LRBA: variants seen among roughly 807,000 people sequenced by gnomAD.
LRBA encodes lipopolysaccharide-responsive and beige-like anchor protein.
LRBA carries 176 observed loss-of-function variants against 330.0 expected under a neutral mutation model. That is an observed-to-expected ratio of 0.53 (90% CI 0.47 to 0.60). LRBA has a LOEUF of 0.60. Among genes scored for constraint, LRBA ranks in the 20% least tolerant of loss-of-function variants. LRBA has a pLI of 0.00. For missense variants in LRBA, 3,259 were observed against 3,444.8 expected (o/e 0.95, Z 1.35); for synonymous variants, 1,230 against 1,193.0 (o/e 1.03, Z -0.64).
intron 47 of LRBA, among the ~76,000 whole-genome samples, chr4:150,365,310 T>C (rs1739306113): frequency 6.6e-6 from 1 of 152,058 alleles, no homozygotes; most frequent in African/African-American, 2.4e-5. Context: ...CCCGGCCTCA[T>C]TATGATATTT....
chr4:150,863,790 G>C lies in LRBA; in HGVS notation c.2766+3881C>G, dbSNP rs78969437. 6.2e-3 allele frequency among the ~76,000 whole-genome samples: 936 copies of C among 152,158 alleles called. 7 individuals carry two copies. The highest frequency in any genetic ancestry group is 0.021 in the African/African-American group (884 of 41,504). The stretch of plus-strand genomic sequence containing the variant: ...AATACTTAGTCATAAATGCTCACAA[G>C]CTCAAAACACCTGAGATATCACCTA... On this transcript the variant is annotated intron_variant, in intron 22 of 56. Coordinates refer to ENST00000651943, the MANE Select transcript of LRBA (RefSeq NM_001364905.1).
chr4:150,874,267 T>C (rs1245883547), intron 17 of LRBA, among the ~76,000 whole-genome samples: 1 of 152,126 alleles, frequency 6.6e-6, no homozygotes, highest in Non-Finnish European at 1.5e-5. Flanking sequence ...CGAGAGCACT[T>C]TGTTTCTCCC....
rs76313606 is a variant in LRBA at position 150,585,103 on chromosome 4, G to A, written c.6330+2945C>T. Among the ~76,000 whole-genome samples the A allele has an allele frequency of 3.1e-3, 469 of 152,198 alleles. 2 individuals are homozygous for A. The highest frequency in any genetic ancestry group is 4.7e-3 in the Non-Finnish European group (320 of 67,984). On this transcript the variant is annotated intron_variant, in intron 40 of 56. Transcript: ENST00000651943. The stretch of plus-strand genomic sequence containing the variant: ...TCCGATATACAAAGGAAATATTTAT[G>A]GATTTTTCTGAATAGTTAACAAAGT...
intron 34 of LRBA, among the ~76,000 whole-genome samples, chr4:150,785,388 G>A (rs1560814544): frequency 2.6e-5 from 4 of 152,202 alleles, no homozygotes; most frequent in Admixed American, 1.3e-4. Flanking sequence ...CTGGAAAAAT[G>A]TCTGGTAATA....
At chr4:150,946,434 G>A (rs1561041341) in intron 2 of LRBA, among the ~76,000 whole-genome samples, 1 of 152,048 alleles carries the variant, frequency 6.6e-6, no homozygotes, top group Non-Finnish European at 1.5e-5. Context: ...TGACCACAAT[G>A]AAATCAAACT....
chr4:150,384,647 A>T (rs1414527596), intron 47 of LRBA, among the ~76,000 whole-genome samples: 1 of 152,222 alleles, frequency 6.6e-6, no homozygotes, highest in Non-Finnish European at 1.5e-5. Context: ...TTTAAAATAC[A>T]GACCTAATTG....
intron 37 of LRBA, among the ~76,000 whole-genome samples, chr4:150,667,901 C>A (rs577032160): frequency 6.6e-6 from 1 of 152,290 alleles, no homozygotes; most frequent in Admixed American, 6.5e-5. Context: ...CTAAGACAAG[C>A]CTCCAGAGGA....
chr4:150,337,787 A>G (rs1734948455), intron 48 of LRBA, among the ~76,000 whole-genome samples: 2 of 152,116 alleles, frequency 1.3e-5, no homozygotes, highest in Admixed American at 1.3e-4. Context: ...AAATCTCACC[A>G]CAGTCACAAC....
intron 28 of LRBA, among the ~76,000 whole-genome samples, chr4:150,841,306 C>G (rs564643590): frequency 1.6e-4 from 25 of 152,194 alleles, no homozygotes; most frequent in Non-Finnish European, 3.1e-4. Context: ...ATGAAGTTTA[C>G]AGTATATGCC....
At chr4:150,846,386 C>A (rs959443765) in intron 26 of LRBA, among the ~76,000 whole-genome samples, 1 of 151,872 alleles carries the variant, frequency 6.6e-6, no homozygotes, top group South Asian at 2.1e-4. Flanking sequence ...AAGAATTAGC[C>A]GGGTGTGGTG....
At chr4:150,780,605 CTATATATATATACATATATATACACGTA>C (rs1738023301) in intron 34 of LRBA, among the ~76,000 whole-genome samples, 1 of 7,142 alleles carries the variant, frequency 1.4e-4, no homozygotes. Context: ...CTGATACCAA[CTATATATATATACATATATATACACGTA>C]TATATATATA....
chr4:150,675,158 A>C (rs1356871417), intron 37 of LRBA, among the ~76,000 whole-genome samples: 1 of 151,982 alleles, frequency 6.6e-6, no homozygotes, highest in Non-Finnish European at 1.5e-5. Context: ...TGTGATCTGC[A>C]CTCCAGTCTG....
At chr4:150,824,013 G>T (rs940014659) in intron 30 of LRBA, among the ~76,000 whole-genome samples, 1 of 152,082 alleles carries the variant, frequency 6.6e-6, no homozygotes, top group Non-Finnish European at 1.5e-5. Flanking sequence ...TCTGTAGATT[G>T]CTTTGGGTAG....
intron 26 of LRBA, among the ~76,000 whole-genome samples, chr4:150,847,517 C>T (rs759660571): frequency 2.0e-5 from 3 of 152,100 alleles, no homozygotes; most frequent in Non-Finnish European, 2.9e-5. Flanking sequence ...GACATTCTTG[C>T]TAAATATGAA....
At chr4:150,701,630 A>G (rs1785133832) in intron 36 of LRBA, among the ~76,000 whole-genome samples, 1 of 152,212 alleles carries the variant, frequency 6.6e-6, no homozygotes, top group Non-Finnish European at 1.5e-5. Flanking sequence ...TGTATATATA[A>G]AGCAAATATT....
chr4:150,398,393 A>G (rs1303271852), intron 47 of LRBA, among the ~76,000 whole-genome samples: 2 of 152,214 alleles, frequency 1.3e-5, no homozygotes. Context: ...CTGGACAAAA[A>G]GTGGTCCTTA....
intron 47 of LRBA, among the ~76,000 whole-genome samples, chr4:150,392,895 T>C (rs1744195575): frequency 6.6e-6 from 1 of 151,854 alleles, no homozygotes; most frequent in Non-Finnish European, 1.5e-5. Context: ...AAATACCTAA[T>C]GCATGCAGGG....
At chr4:150,484,310 G>T (rs1431086491) in intron 42 of LRBA, among the ~76,000 whole-genome samples, 1 of 151,872 alleles carries the variant, frequency 6.6e-6, no homozygotes, top group African/African-American at 2.4e-5. Context: ...TTTCTCTGAG[G>T]TAAGGTCTTT....
At chr4:150,988,927 G>T (rs1481015089) in intron 2 of LRBA, among the ~76,000 whole-genome samples, 1 of 151,860 alleles carries the variant, frequency 6.6e-6, no homozygotes, top group East Asian at 1.9e-4. Context: ...GTTTTTATTG[G>T]CTGTTTATAA....
Sources: allele counts gnomAD v4.1 joint callset (sites outside exome capture counted in the v4.1 genomes callset), GRCh38; gene constraint gnomAD v4.1.1; transcripts MANE v1.5; gene names NCBI Gene and HGNC (gene_info 2026-07-23, HGNC 2026-07-21).